The following CEP192 variants were observed in gnomAD, a reference collection of about 807,000 sequenced individuals.
The protein encoded by CEP192 is centrosomal protein of 192 kDa.
A neutral mutation model predicts 271.8 loss-of-function variants in CEP192; 151 were observed. That is an observed-to-expected ratio of 0.56 (90% confidence interval 0.49 to 0.64). The LOEUF is 0.64. Among genes scored for constraint, CEP192 ranks in the 30% least tolerant of loss-of-function variants. CEP192 has a pLI of 0.00. For synonymous variants in CEP192, 995 were observed against 1,076.5 expected (o/e 0.92, Z 1.48); for missense variants, 2,910 against 3,020.5 (o/e 0.96, Z 0.86).
intron 33 of CEP192, among the ~76,000 whole-genome samples, chr18:13,091,631 G>A (rs1179939872): frequency 6.6e-6 from 1 of 152,130 alleles, no homozygotes; most frequent in Non-Finnish European, 1.5e-5. Context: ...CAGGAGTCTT[G>A]CTTAAGTTAT....
chr18:13,075,401 A>G (rs1293821999), intron 30 of CEP192, among the ~76,000 whole-genome samples: 1 of 152,160 alleles, frequency 6.6e-6, no homozygotes, highest in African/African-American at 2.4e-5. Context: ...CCCCATCTCT[A>G]CTAAACATAC....
chr18:13,058,881 C>G, intron 20 of CEP192: 1 of 571,884 alleles, frequency 1.7e-6, no homozygotes, highest in Non-Finnish European at 3.1e-6. Flanking sequence ...CTTGGTGCAG[C>G]AAGAACATTC....
At chr18:13,096,078 T>C in intron 35 of CEP192, 106 bp from the exon 36 acceptor site, 3 of 1,141,424 alleles carry the variant, frequency 2.6e-6, no homozygotes, top group Non-Finnish European at 2.5e-6. Context: ...GAGAAAGCAG[T>C]AGCATACTTG....
At chr18:13,046,952 G>C (rs1020021961) in intron 15 of CEP192, among the ~76,000 whole-genome samples, 1 of 151,390 alleles carries the variant, frequency 6.6e-6, no homozygotes, top group East Asian at 1.9e-4. Flanking sequence ...ATTGTTAGCA[G>C]CAACTTTTAG....
At chr18:13,078,737 A>G (rs540389896) in intron 30 of CEP192, among the ~76,000 whole-genome samples, 56 of 152,146 alleles carry the variant, frequency 3.7e-4, no homozygotes, top group African/African-American at 1.3e-3. Context: ...TGCACCCATT[A>G]ACTCGTCATT....
At chr18:13,040,531 T>TA (rs1378775938) in intron 13 of CEP192, among the ~76,000 whole-genome samples, 1 of 152,232 alleles carries the variant, frequency 6.6e-6, no homozygotes, top group Non-Finnish European at 1.5e-5. Flanking sequence ...CAGGAGTTTT[T>TA]ATCTGCTGCA....
chr18:13,114,284 TC>T (rs766491183), intron 42 of CEP192, 33 bp downstream of exon 42: 5 of 1,607,162 alleles, frequency 3.1e-6, no homozygotes, highest in Non-Finnish European at 4.2e-6. Flanking sequence ...ATGAGTTTTT[TC>T]CCAGTACTTT....
intron 6 of CEP192, among the ~76,000 whole-genome samples, chr18:13,015,957 G>A (rs2034621391): frequency 6.6e-6 from 1 of 152,198 alleles, no homozygotes; most frequent in Admixed American, 6.5e-5. Context: ...TGTTGGCCAG[G>A]CTGGTCTGGA....
At chr18:13,099,757 G>A (rs1178894167) in intron 37 of CEP192, among the ~76,000 whole-genome samples, 176 bp downstream of exon 37, 5 of 152,078 alleles carry the variant, frequency 3.3e-5, no homozygotes, top group Non-Finnish European at 5.9e-5. Context: ...ATTATTTGGG[G>A]AAAAAGTAAT....
At chr18:13,104,856 C>G in intron 39 of CEP192, 128 bp from the exon 40 acceptor site, 2 of 716,856 alleles carry the variant, frequency 2.8e-6, no homozygotes, top group Non-Finnish European at 4.8e-6. Context: ...TTGGGAATAC[C>G]TTGTGTTCTT....
rs1206284607 is a variant in CEP192, at chr18:13,008,552, A to G, written c.387A>G (p.Glu129=). 2 of 1,551,694 alleles carry G rather than the reference A, an allele frequency of 1.3e-6. No individual in the cohort carries two copies. Among genetic ancestry groups the G allele is most frequent in the East Asian group, 2.4e-5 (1 of 40,926 alleles). The change falls in exon 4 of 45, where the codon GAA becomes GAG. Residue 129 remains glutamate, a synonymous_variant. Coordinates refer to ENST00000506447, the MANE Select transcript of CEP192 (RefSeq NM_032142.4). The part of the protein sequence containing the change: ...SALQMETAGP[E]EEPAGATESL... ...TACAAATGGAGACAGCAGGACCAGA[A>G]GAGGAGCCAGCCGGAGCTACAGAAT...
chr18:13,068,784 ACTG>A, intron 24 of CEP192, 65 bp from the exon 25 acceptor site: 1 of 1,564,684 alleles, frequency 6.4e-7, no homozygotes, highest in Non-Finnish European at 8.8e-7. Flanking sequence ...ACTGTGTGGG[ACTG>A]CTGATGGCAT....
intron 17 of CEP192, among the ~76,000 whole-genome samples, chr18:13,050,877 G>T (rs1438708054): frequency 6.6e-6 from 1 of 152,174 alleles, no homozygotes; most frequent in East Asian, 1.9e-4. Flanking sequence ...ACTGTGCTTG[G>T]CCTGCATATT....
intron 11 of CEP192, among the ~76,000 whole-genome samples, chr18:13,033,955 A>G (rs2035772252): frequency 6.6e-6 from 1 of 152,316 alleles, no homozygotes; most frequent in Admixed American, 6.5e-5. Flanking sequence ...TCAGATAGAC[A>G]TTTCAGAAAT....
Position 13,087,524 on chromosome 18 carries a change from G to A in CEP192, c.5878-7G>A, listed in dbSNP as rs1464565619. 7.8e-7 allele frequency: 1 copy of A among 1,284,672 alleles called. No homozygotes were observed. Among genetic ancestry groups the A allele is most frequent in the South Asian group, 1.4e-5 (1 of 73,238 alleles). The allele number at this position is 1,284,672 out of a possible 1,614,324, so 79.6% of individuals were successfully genotyped here. A position where few individuals can be genotyped will look rare whatever the true frequency, so the allele number is the denominator to read the frequency against. The stretch of plus-strand genomic sequence containing the variant: ...ATTTACTCCTGATTTTTTTTTCTTG[G>A]CATCAGAATGTTACTTTAATATATA... On this transcript the variant is annotated splice_polypyrimidine_tract_variant and splice_region_variant and intron_variant, in intron 31 of 44. Transcript: ENST00000506447.
Position 13,068,229 on chromosome 18 carries a change from G to A in CEP192, c.4750G>A (p.Asp1584Asn), listed in dbSNP as rs1489034249. The A allele has an allele frequency of 6.2e-6, 10 of 1,614,158 alleles. No individual in the cohort carries two copies. The African/African-American group carries it at 6.7e-5, about 11-fold the overall frequency. The change falls in exon 23 of 45, where the codon GAT (aspartate) becomes AAT (asparagine). Residue 1584 changes from aspartate to asparagine, a missense_variant. By Grantham distance (23) the Asp-to-Asn change is conservative (BLOSUM62 1). Transcript: ENST00000506447. Reference protein sequence around the residue: ...VVNHMMPASYDGQDPEFLMIW... With the variant: ...VVNHMMPASYNGQDPEFLMIW... ...CAACCACATGATGCCTGCTAGTTAT[G>A]ATGGACAGGTGGGAGAGAACTGGCT...
At chr18:13,105,662 T>C (rs1325258311) in intron 40 of CEP192, among the ~76,000 whole-genome samples, 2 of 152,194 alleles carry the variant, frequency 1.3e-5, no homozygotes, top group Admixed American at 6.5e-5. Context: ...TAAAAGAATC[T>C]TGAAATAGCT....
chr18:13,031,378 G>A (rs1313241639), intron 11 of CEP192, among the ~76,000 whole-genome samples: 1 of 150,282 alleles, frequency 6.7e-6, no homozygotes, highest in Non-Finnish European at 1.5e-5. Context: ...CTCCCAAGTA[G>A]CTGGGACTAC....
At chr18:13,104,912 G>A (rs2039880739) in intron 39 of CEP192, 72 bp from the exon 40 acceptor site, 3 of 1,113,406 alleles carry the variant, frequency 2.7e-6, no homozygotes, top group South Asian at 2.5e-5. Context: ...CAGCCATAGA[G>A]GTAATAGTGT....
Sources: allele counts gnomAD v4.1 joint callset (sites outside exome capture counted in the v4.1 genomes callset), GRCh38; gene constraint gnomAD v4.1.1; transcripts MANE v1.5; gene names NCBI Gene and HGNC (gene_info 2026-07-23, HGNC 2026-07-21).